VRK2: variants seen among roughly 807,000 people sequenced by gnomAD.
VRK2 encodes the protein serine/threonine-protein kinase VRK2.
A neutral mutation model predicts 57.6 loss-of-function variants in VRK2; 60 were observed. The observed-to-expected ratio is 1.04, with a 90% CI of 0.85 to 1.29. The LOEUF (loss-of-function observed/expected upper bound fraction) is 1.29. Ranked by LOEUF, VRK2 falls within the 50% of genes most tolerant of loss-of-function variation. The pLI is 0.00. For synonymous variants in VRK2, 231 were observed against 199.2 expected, an observed-to-expected ratio of 1.16 and a Z score of -1.35; for missense variants, 705 against 588.1, an observed-to-expected ratio of 1.20 and a Z score of -2.06.
chr2:57,963,753 A>G (rs934868982), intron 1 of VRK2, among the ~76,000 whole-genome samples: 52 of 152,206 alleles, frequency 3.4e-4, no homozygotes, highest in Non-Finnish European at 1.9e-4. Context: ...GTTTCTTTTT[A>G]TAACCAATCA....
At chr2:58,129,120 T>A (rs187436595) in intron 8 of VRK2, among the ~76,000 whole-genome samples, 35 of 152,316 alleles carry the variant, frequency 2.3e-4, no homozygotes, top group African/African-American at 8.2e-4. Flanking sequence ...AGAAACTAAC[T>A]TGAGAAAGTT....
At chr2:58,071,081 G>A (rs988741293) in intron 2 of VRK2, among the ~76,000 whole-genome samples, 5 of 151,926 alleles carry the variant, frequency 3.3e-5, no homozygotes, top group African/African-American at 4.8e-5. Flanking sequence ...GCATCTTTTC[G>A]TATGTTTATT....
intron 1 of VRK2, among the ~76,000 whole-genome samples, chr2:57,917,970 A>G (rs934390494): frequency 2.0e-5 from 3 of 152,144 alleles, no homozygotes; most frequent in Non-Finnish European, 4.4e-5. Context: ...TAATTTGGTA[A>G]GGTTGATCAT....
In VRK2 at chr2:58,137,165, T is replaced by TCATATATCATATATATCATATATGATA. The variant is rs1553422332; in HGVS notation, c.856+1974_856+2000dup. Among the ~76,000 whole-genome samples, 15 of 4,912 alleles carry TCATATATCATATATATCATATATGATA rather than the reference T, an allele frequency of 3.1e-3. 2 individuals carry two copies. Among genetic ancestry groups the TCATATATCATATATATCATATATGATA allele is most frequent in the Non-Finnish European group, 0.012 (15 of 1,272 alleles). 3.2% of individuals were successfully genotyped at this position (4,912 alleles called of 152,430 possible). A position where few individuals can be genotyped will look rare whatever the true frequency, so the allele number is the denominator to read the frequency against. ...CATATATATCATGTGTTTATATATA[T>TCATATATCATATATATCATATATGATA]CATATATCATATATATCATATATGA... On this transcript the variant is annotated intron_variant, in intron 10 of 12. Transcript: ENST00000340157.
intron 12 of VRK2, 98 bp downstream of exon 12, chr2:58,146,572 G>GT (rs1259457685): frequency 7.3e-7 from 1 of 1,371,948 alleles, no homozygotes; most frequent in African/African-American, 1.5e-5. Context: ...GAGGGCCAAG[G>GT]TTGTATGGTT....
intron 7 of VRK2, among the ~76,000 whole-genome samples, chr2:58,094,785 T>C (rs1421669685): frequency 2.0e-5 from 3 of 152,216 alleles, no homozygotes; most frequent in Non-Finnish European, 4.4e-5. Context: ...AGTTTCCTCA[T>C]GTACTTGGTT....
At chr2:57,940,054 T>G (rs925201570) in intron 1 of VRK2, among the ~76,000 whole-genome samples, 8 of 152,158 alleles carry the variant, frequency 5.3e-5, no homozygotes, top group African/African-American at 1.9e-4. Context: ...TTCATAAAAG[T>G]CATTGTATTA....
chr2:57,987,269 G>A (rs190269359), intron 1 of VRK2, among the ~76,000 whole-genome samples: 9 of 152,090 alleles, frequency 5.9e-5, no homozygotes, highest in Admixed American at 1.3e-4. Context: ...ATCTGATAAA[G>A]GACTTGTATC....
At chr2:57,981,363 C>T (rs1672418146) in intron 1 of VRK2, among the ~76,000 whole-genome samples, 2 of 152,094 alleles carry the variant, frequency 1.3e-5, no homozygotes, top group African/African-American at 2.4e-5. Context: ...AATGTAGGCC[C>T]CAAACTATTC....
intron 9 of VRK2, 58 bp downstream of exon 9, chr2:58,131,986 A>G (rs1433383451): frequency 6.2e-7 from 1 of 1,602,392 alleles, no homozygotes; most frequent in South Asian, 1.1e-5. Context: ...GATACATTAA[A>G]GGGAGCTAAC....
chr2:58,102,069 A>G (rs1029109251), intron 7 of VRK2, among the ~76,000 whole-genome samples: 1 of 151,604 alleles, frequency 6.6e-6, no homozygotes, highest in Non-Finnish European at 1.5e-5. Context: ...CCATTGGGAA[A>G]GATCTACCCA....
intron 7 of VRK2, among the ~76,000 whole-genome samples, chr2:58,097,950 C>T (rs371120913): frequency 6.6e-6 from 1 of 151,656 alleles, no homozygotes; most frequent in East Asian, 1.9e-4. Context: ...GAAGGTATTC[C>T]AGAAGATTGT....
At chr2:57,975,625 G>A (rs1445400303) in intron 1 of VRK2, among the ~76,000 whole-genome samples, 2 of 151,962 alleles carry the variant, frequency 1.3e-5, no homozygotes, top group Non-Finnish European at 2.9e-5. Flanking sequence ...CCAGTAGGAA[G>A]TTTTTCAGGC....
At chr2:58,046,487 C>T, upstream of VRK2, 1 of 985,300 alleles carries the variant, frequency 1.0e-6, no homozygotes, top group Non-Finnish European at 1.2e-6. Flanking sequence ...GGAGATCTAA[C>T]ACTCCTACAC....
intron 1 of VRK2, among the ~76,000 whole-genome samples, chr2:58,014,607 G>C (rs1673518751): frequency 6.6e-6 from 1 of 152,182 alleles, no homozygotes; most frequent in Non-Finnish European, 1.5e-5. Context: ...ACACTATGCA[G>C]CATTGCATTT....
chr2:58,030,279 C>A (rs988289938), intron 2 of VRK2, among the ~76,000 whole-genome samples: 2 of 152,048 alleles, frequency 1.3e-5, no homozygotes, highest in Non-Finnish European at 2.9e-5. Flanking sequence ...TTTAAATAAT[C>A]TAAATGTCTT....
intron 7 of VRK2, among the ~76,000 whole-genome samples, chr2:58,090,702 C>T (rs549760566): frequency 6.6e-6 from 1 of 152,272 alleles, no homozygotes; most frequent in African/African-American, 2.4e-5. Flanking sequence ...CAGTTGTGCT[C>T]ATTAGTATTT....
At chr2:58,133,862 AT>A (rs1217574332) in intron 9 of VRK2, among the ~76,000 whole-genome samples, 4 of 152,168 alleles carry the variant, frequency 2.6e-5, no homozygotes, top group Non-Finnish European at 4.4e-5. Context: ...GTTTGCGTGA[AT>A]TTTTTATTGT....
intron 12 of VRK2, among the ~76,000 whole-genome samples, chr2:58,158,978 C>G (rs565143090): frequency 1.4e-4 from 22 of 152,114 alleles, no homozygotes; most frequent in Admixed American, 3.3e-4. Context: ...CATTAATGAC[C>G]AAAATATTTC....
Sources: allele counts gnomAD v4.1 joint callset (sites outside exome capture counted in the v4.1 genomes callset), GRCh38; gene constraint gnomAD v4.1.1; transcripts MANE v1.5; gene names NCBI Gene and HGNC (gene_info 2026-07-23, HGNC 2026-07-21).